Variants in RAB3C observed in about 807,000 individuals in gnomAD.
The protein encoded by RAB3C is ras-related protein Rab-3C.
In RAB3C, 17 loss-of-function variants were observed where a neutral mutation model predicts 26.4. The observed-to-expected ratio is 0.64, with a 90% CI of 0.44 to 0.97. The LOEUF is 0.97. RAB3C is among the 50% of genes least tolerant of loss of function. The pLI is 0.00. For missense variants in RAB3C, 242 were observed against 281.9 expected, an observed-to-expected ratio of 0.86 and a Z score of 1.01; for synonymous variants, 91 against 95.9, an observed-to-expected ratio of 0.95 and a Z score of 0.30.
intron 1 of RAB3C, among the ~76,000 whole-genome samples, chr5:58,591,614 A>T (rs1178351315): frequency 6.8e-6 from 1 of 147,976 alleles, no homozygotes; most frequent in Admixed American, 6.8e-5. Flanking sequence ...ATATAATTTT[A>T]TTTATTTTCA....
intron 3 of RAB3C, among the ~76,000 whole-genome samples, chr5:58,734,811 A>G (rs946995459): frequency 3.9e-5 from 6 of 152,298 alleles, no homozygotes; most frequent in African/African-American, 1.4e-4. Flanking sequence ...AACACAATCT[A>G]TTCTCATTAT....
At chr5:58,588,728 C>G (rs1304758335) in intron 1 of RAB3C, among the ~76,000 whole-genome samples, 1 of 151,964 alleles carries the variant, frequency 6.6e-6, no homozygotes, top group African/African-American at 2.4e-5. Context: ...ATTAATTATA[C>G]CTGGGGTCTG....
At chr5:58,604,759 G>A (rs1273306177) in intron 1 of RAB3C, among the ~76,000 whole-genome samples, 1 of 152,164 alleles carries the variant, frequency 6.6e-6, no homozygotes, top group Non-Finnish European at 1.5e-5. Context: ...AAAGGCTTTA[G>A]TTCTTCCCCA....
chr5:58,729,035 C>T (rs945704618), intron 3 of RAB3C, among the ~76,000 whole-genome samples: 2 of 151,954 alleles, frequency 1.3e-5, no homozygotes, highest in African/African-American at 4.8e-5. Flanking sequence ...GATATCTCTA[C>T]CCCTTTTCCT....
At chr5:58,649,526 C>T (rs370614215) in intron 2 of RAB3C, among the ~76,000 whole-genome samples, 16 of 151,986 alleles carry the variant, frequency 1.1e-4, no homozygotes, top group African/African-American at 3.6e-4. Flanking sequence ...CCCATCTCCA[C>T]CTTACTGTCT....
At chr5:58,845,594 C>CTATA (rs147626783) in intron 4 of RAB3C, among the ~76,000 whole-genome samples, 19,622 of 74,432 alleles carry the variant, frequency 0.26, 3,749 homozygotes, top group Non-Finnish European at 0.35. Context: ...GTGATTCTTA[C>CTATA]TATATATATA....
At chr5:58,610,317 CTGTT>C (rs1301819105) in intron 1 of RAB3C, among the ~76,000 whole-genome samples, 23 of 151,588 alleles carry the variant, frequency 1.5e-4, no homozygotes, top group Non-Finnish European at 2.9e-5. Context: ...AACTGCTAAA[CTGTT>C]TGTCAGAGAG....
At chr5:58,821,808 G>T (rs375870141) in intron 3 of RAB3C, among the ~76,000 whole-genome samples, 7 of 152,144 alleles carry the variant, frequency 4.6e-5, no homozygotes, top group African/African-American at 7.2e-5. Flanking sequence ...TTCTTCTCAG[G>T]AAGGAGAAAC....
chr5:58,649,577 G>A (rs761855163), intron 2 of RAB3C, among the ~76,000 whole-genome samples: 1 of 151,826 alleles, frequency 6.6e-6, no homozygotes, highest in Non-Finnish European at 1.5e-5. Context: ...CCCCAGAGGA[G>A]CCCCACATTC....
chr5:58,793,355 G>A (rs138827145), intron 3 of RAB3C, among the ~76,000 whole-genome samples: 5,584 of 152,164 alleles, frequency 0.037, 175 homozygotes, highest in Non-Finnish European at 0.061. Flanking sequence ...TCAAGAGATC[G>A]AGACTATCCT....
intron 2 of RAB3C, among the ~76,000 whole-genome samples, chr5:58,624,352 T>G (rs1489410600): frequency 6.6e-6 from 1 of 152,146 alleles, no homozygotes; most frequent in Non-Finnish European, 1.5e-5. Context: ...TTTTAGGTGA[T>G]CAGTGCGGAT....
At position 58,851,738 on chromosome 5, in the gene RAB3C, T is replaced by TTGTGTG. The variant is rs57733643; in HGVS notation, c.*410_*415dup. 3.8e-3 allele frequency: 579 copies of TTGTGTG among 152,604 alleles called. 1 individual carries two copies. Among genetic ancestry groups the TTGTGTG allele is most frequent in the Non-Finnish European group, 5.2e-3 (360 of 69,218 alleles). The allele number at this position is 152,604 out of a possible 1,614,324, so 9.5% of individuals were successfully genotyped here. On this transcript the variant is annotated 3_prime_UTR_variant, in exon 5 of 5. Coordinates refer to ENST00000282878, the MANE Select transcript of RAB3C (RefSeq NM_138453.4). Reference sequence around the variant, plus strand: ...GTAGGAATGATGACCAAGGAATTGCTTGTGTGTGTGTGTGTGTGTGTGTGT... The same window carrying TTGTGTG: ...GTAGGAATGATGACCAAGGAATTGCTTGTGTGTGTGTGTGTGTGTGTGTGTGTGTGT...
chr5:58,748,629 C>T (rs73104308), intron 3 of RAB3C, among the ~76,000 whole-genome samples: 3,708 of 151,936 alleles, frequency 0.024, 162 homozygotes, highest in African/African-American at 0.085. Flanking sequence ...TATGTACATG[C>T]GTATCTCCCT....
Position 58,855,335 on chromosome 5 carries a change from A to G in RAB3C, c.*3984A>G, listed in dbSNP as rs1030923022. The G allele has an allele frequency of 1.3e-5, 2 of 152,232 alleles. No homozygotes were observed. Among genetic ancestry groups the G allele is most frequent in the Non-Finnish European group, 2.9e-5 (2 of 68,040 alleles). The allele number at this position is 152,232 out of a possible 1,614,324, so 9.4% of individuals were successfully genotyped here. A position where few individuals can be genotyped will look rare whatever the true frequency, so the allele number is the denominator to read the frequency against. Reference sequence around the variant, plus strand: ...TACTGTGTGTTTGTTAATAATCTTCATAGTACTACTGGAATGCTCAATCAG... The same window carrying G: ...TACTGTGTGTTTGTTAATAATCTTCGTAGTACTACTGGAATGCTCAATCAG... On this transcript the variant is annotated 3_prime_UTR_variant, in exon 5 of 5. Transcript: ENST00000282878.
At chr5:58,633,511 T>A (rs1408663252) in intron 2 of RAB3C, among the ~76,000 whole-genome samples, 1 of 152,154 alleles carries the variant, frequency 6.6e-6, no homozygotes, top group Non-Finnish European at 1.5e-5. Context: ...AAACATTTAA[T>A]ATGGACATTC....
At chr5:58,737,034 A>G (rs1741152478) in intron 3 of RAB3C, among the ~76,000 whole-genome samples, 1 of 152,260 alleles carries the variant, frequency 6.6e-6, no homozygotes, top group African/African-American at 2.4e-5. Flanking sequence ...CAAAGCCATT[A>G]CAATAGCCTA....
At chr5:58,727,054 G>C (rs1740905546) in intron 3 of RAB3C, among the ~76,000 whole-genome samples, 1 of 151,968 alleles carries the variant, frequency 6.6e-6, no homozygotes, top group South Asian at 2.1e-4. Flanking sequence ...CACTTTAACT[G>C]TAAATATAAT....
At chr5:58,746,247 C>G (rs1741400387) in intron 3 of RAB3C, among the ~76,000 whole-genome samples, 1 of 152,152 alleles carries the variant, frequency 6.6e-6, no homozygotes, top group Non-Finnish European at 1.5e-5. Context: ...CAGGCAAAAT[C>G]AAGAGCCTCC....
intron 1 of RAB3C, among the ~76,000 whole-genome samples, chr5:58,598,473 A>C (rs1429441964): frequency 6.6e-6 from 1 of 151,936 alleles, no homozygotes; most frequent in Non-Finnish European, 1.5e-5. Context: ...TCTTCCCCTT[A>C]TTAGTCTAGA....
Sources: gnomAD v4.1 joint callset for allele counts (sites outside exome capture counted in the v4.1 genomes callset) on GRCh38, gnomAD v4.1.1 for gene constraint, MANE v1.5 for transcripts, NCBI Gene and HGNC (gene_info 2026-07-23, HGNC 2026-07-21) for gene names.